Variants in ATXN1 observed in about 807,000 individuals in gnomAD.
ATXN1 encodes the protein ataxin-1.
In ATXN1, 8 loss-of-function variants were observed where a neutral mutation model predicts 56.4. That is an observed-to-expected ratio of 0.14 (90% CI 0.08 to 0.26). The LOEUF (loss-of-function observed/expected upper bound fraction) is 0.26. Ranked by LOEUF, ATXN1 falls within the 10% of genes least tolerant of loss-of-function variation. The probability of loss-of-function intolerance (pLI) is 1.00; values close to 1 mark genes in which losing one functional copy is unlikely to be tolerated. For missense variants in ATXN1, 987 were observed against 1,106.5 expected (o/e 0.89, Z 1.53); for synonymous variants, 514 against 494.6 (o/e 1.04, Z -0.52).
rs566379112 is a variant in ATXN1, at chr6:16,760,941, C to T, written c.-730+357G>A. On this transcript the variant is annotated intron_variant, in intron 1 of 7. Transcript: ENST00000436367. The surrounding 1 kb of genome is among the most constrained non-coding windows in gnomAD (Gnocchi z 5.3). ...TCCCCGCCCGCGCCCCCCGCCCGGGCGCGCCCCCTAGCCCGGCGGGCGCCC... is the reference window on the plus strand; with the variant it reads ...TCCCCGCCCGCGCCCCCCGCCCGGGTGCGCCCCCTAGCCCGGCGGGCGCCC... Among the ~76,000 whole-genome samples the T allele has an allele frequency of 2.6e-4, 38 of 148,484 alleles. 1 individual carries two copies. In the East Asian group the frequency reaches 5.8e-3, roughly 23 times the overall value.
At chr6:16,724,788 A>T (rs946181510) in intron 2 of ATXN1, among the ~76,000 whole-genome samples, 2 of 151,790 alleles carry the variant, frequency 1.3e-5, no homozygotes, top group African/African-American at 2.4e-5. Context: ...GATTACTGTC[A>T]TGACTCAGAG....
chr6:16,528,950 A>T (rs1373089723), intron 4 of ATXN1, among the ~76,000 whole-genome samples: 1 of 152,086 alleles, frequency 6.6e-6, no homozygotes, highest in Non-Finnish European at 1.5e-5. Flanking sequence ...AAGCCGAGGG[A>T]GGTGGATCAC....
chr6:16,584,358 C>A (rs760825725), intron 4 of ATXN1, among the ~76,000 whole-genome samples: 1 of 150,726 alleles, frequency 6.6e-6, no homozygotes, highest in Non-Finnish European at 1.5e-5. Context: ...ACTTCAGATA[C>A]ATATCTAATA....
At chr6:16,515,862 A>G (rs1761173429) in intron 5 of ATXN1, among the ~76,000 whole-genome samples, 1 of 152,206 alleles carries the variant, frequency 6.6e-6, no homozygotes, top group South Asian at 2.1e-4. Flanking sequence ...GGATGGAATC[A>G]TGGAAGCATC....
intron 4 of ATXN1, among the ~76,000 whole-genome samples, chr6:16,532,608 G>A (rs188701174): frequency 3.9e-5 from 6 of 152,188 alleles, no homozygotes; most frequent in East Asian, 1.9e-4. Flanking sequence ...TTAAGCACAC[G>A]AAAAGACACT....
chr6:16,540,107 G>A (rs972209942), intron 4 of ATXN1, among the ~76,000 whole-genome samples: 1 of 152,196 alleles, frequency 6.6e-6, no homozygotes, highest in Non-Finnish European at 1.5e-5. Context: ...TGCAATGACA[G>A]GGGACTGCAA....
intron 3 of ATXN1, among the ~76,000 whole-genome samples, chr6:16,603,049 C>T (rs1762940266): frequency 6.6e-6 from 1 of 152,196 alleles, no homozygotes; most frequent in Admixed American, 6.5e-5. Flanking sequence ...TACTTTCTTT[C>T]TAAGTGCCGA....
rs1350981208 is a variant in ATXN1, at chr6:16,760,184, T to C, written c.-730+1114A>G. On this transcript the variant is annotated intron_variant, in intron 1 of 7. Transcript: ENST00000436367. The surrounding 1 kb of genome is among the most constrained non-coding windows in gnomAD (Gnocchi z 5.3). The stretch of plus-strand genomic sequence containing the variant: ...GCAGAGTCTCCGGCCCGGCCCAGAG[T>C]GAACGAGCAGTGGGGCTCCAGGGCG... Among the ~76,000 whole-genome samples the C allele has an allele frequency of 1.3e-5, 2 of 149,704 alleles. No individual in the cohort carries two copies. Among genetic ancestry groups the C allele is most frequent in the Non-Finnish European group, 3.0e-5 (2 of 67,348 alleles).
intron 4 of ATXN1, among the ~76,000 whole-genome samples, chr6:16,557,422 C>T (rs1435073881): frequency 1.3e-5 from 2 of 151,216 alleles, no homozygotes; most frequent in Non-Finnish European, 2.9e-5. Flanking sequence ...AAAGGTCTAT[C>T]TTCTTCTTGA....
intron 6 of ATXN1, among the ~76,000 whole-genome samples, chr6:16,355,447 A>T (rs1386037267): frequency 6.6e-6 from 1 of 152,226 alleles, no homozygotes; most frequent in Non-Finnish European, 1.5e-5. Flanking sequence ...AAACAAGAGC[A>T]GTGTCGACCC....
At position 16,441,037 on chromosome 6, in the gene ATXN1, T is replaced by TGACCAAAATAGCA. The variant is rs1365664318; in HGVS notation, c.-161+44934_-161+44935insTGCTATTTTGGTC. The stretch of plus-strand genomic sequence containing the variant: ...CCTTACGGCACGGTCAGCAGGGTGG[T>TGACCAAAATAGCA]GAGCTATTTTGAGCACAGCAGCATC... On this transcript the variant is annotated intron_variant, in intron 6 of 7. Coordinates refer to ENST00000436367, the MANE Select transcript of ATXN1 (RefSeq NM_001128164.2). 2.0e-5 allele frequency among the ~76,000 whole-genome samples: 3 copies of TGACCAAAATAGCA among 152,044 alleles called. No individual in the cohort carries two copies. The East Asian group carries it at 5.8e-4, about 29-fold the overall frequency.
chr6:16,620,311 A>T (rs1417653035), intron 3 of ATXN1, among the ~76,000 whole-genome samples: 1 of 150,562 alleles, frequency 6.6e-6, no homozygotes, highest in African/African-American at 2.4e-5. Context: ...AGAATATGTG[A>T]ATATTTAACA....
chr6:16,750,117 C>T (rs79369029), intron 2 of ATXN1: 3,638 of 152,326 alleles, frequency 0.024, 62 homozygotes, highest in Non-Finnish European at 0.037. Context: ...ATCACTCCTA[C>T]TCAGCGTCAC....
chr6:16,566,425 A>G (rs755640740), intron 4 of ATXN1, among the ~76,000 whole-genome samples: 11 of 151,988 alleles, frequency 7.2e-5, no homozygotes, highest in Non-Finnish European at 1.3e-4. Flanking sequence ...GCATTGGTGT[A>G]ACTTCTAGCT....
chr6:16,559,867 A>G (rs1762083517), intron 4 of ATXN1, among the ~76,000 whole-genome samples: 2 of 152,196 alleles, frequency 1.3e-5, no homozygotes, highest in South Asian at 4.2e-4. Flanking sequence ...TAAAAAAAAA[A>G]TAAAGTTTTT....
At chr6:16,431,145 G>T (rs1310903097) in intron 6 of ATXN1, among the ~76,000 whole-genome samples, 4 of 151,962 alleles carry the variant, frequency 2.6e-5, no homozygotes, top group Non-Finnish European at 5.9e-5. Flanking sequence ...TGGGTGTGGG[G>T]GTAGGAGCAG....
chr6:16,441,492 A>T (rs930320635), intron 6 of ATXN1, among the ~76,000 whole-genome samples: 1 of 152,206 alleles, frequency 6.6e-6, no homozygotes, highest in Non-Finnish European at 1.5e-5. Flanking sequence ...AGTTATTATA[A>T]GAAGAAAAAT....
In ATXN1 at chr6:16,326,803, C is replaced by G; in HGVS notation, c.1508G>C (p.Gly503Ala). 1 of 1,608,472 alleles carries G rather than the reference C, an allele frequency of 6.2e-7. No homozygotes were observed. The highest frequency in any genetic ancestry group is 8.5e-7 in the Non-Finnish European group (1 of 1,176,212). Residue 503 changes from glycine to alanine, a missense_variant, in exon 7 of 8, where the codon GGG becomes GCG. By Grantham distance (60) the Gly-to-Ala change is moderately conservative. Around this residue, in one of 3 missense-constraint regions of ATXN1, gnomAD observed 723 missense variants for 791.7 expected, o/e 0.91. Transcript: ENST00000436367. This position sits in a 1 kb window ranked among gnomAD's most constrained non-coding sequence, Gnocchi z 6.6. The stretch of plus-strand genomic sequence containing the variant: ...TGACGTGACTATGGCCGGGGCTGCC[C>G]CCGACGCTTCCATGTCAGTGCTGCC... ...PVGSTDMEAS[G>A]AAPAIVTSSP...
intron 5 of ATXN1, among the ~76,000 whole-genome samples, chr6:16,495,865 T>A (rs1760770793): frequency 6.8e-6 from 1 of 147,404 alleles, no homozygotes; most frequent in South Asian, 2.3e-4. Context: ...TCTCTCTCTC[T>A]CTCTCAAAAA....
Sources: gnomAD v4.1 joint callset for allele counts (sites outside exome capture counted in the v4.1 genomes callset) on GRCh38, gnomAD v4.1.1 for gene constraint, gnomAD v4.1.1 regional missense constraint, Gnocchi (gnomAD v3.1) non-coding constraint, MANE v1.5 for transcripts, NCBI Gene and HGNC (gene_info 2026-07-23, HGNC 2026-07-21) for gene names.